Variants in SPAG16 observed in about 807,000 individuals in gnomAD.
SPAG16 encodes sperm-associated antigen 16 protein.
In SPAG16, 86 loss-of-function variants were observed where a neutral mutation model predicts 80.4. That is an observed-to-expected ratio of 1.07 (90% CI 0.90 to 1.28). The LOEUF (loss-of-function observed/expected upper bound fraction) is 1.28, where lower values mean the gene tolerates loss of function less well. SPAG16 is among the 50% of genes most tolerant of loss of function. The pLI, the probability that SPAG16 is intolerant of heterozygous loss-of-function variation, is 0.00. For synonymous variants in SPAG16, 294 were observed against 265.9 expected, an observed-to-expected ratio of 1.11 and a Z score of -1.03; for missense variants, 870 against 765.3, an observed-to-expected ratio of 1.14 and a Z score of -1.61.
At chr2:214,319,991 G>A (rs1332188517) in intron 15 of SPAG16, among the ~76,000 whole-genome samples, 1 of 152,156 alleles carries the variant, frequency 6.6e-6, no homozygotes, top group Non-Finnish European at 1.5e-5. Flanking sequence ...CATCTCTAGT[G>A]CGACAAAATT....
chr2:213,581,922 T>C (rs2060310223), intron 10 of SPAG16, among the ~76,000 whole-genome samples: 1 of 152,110 alleles, frequency 6.6e-6, no homozygotes, highest in African/African-American at 2.4e-5. Context: ...CAAGATTTCC[T>C]TTTTTGCAGT....
At chr2:213,559,035 T>C (rs984390120) in intron 10 of SPAG16, among the ~76,000 whole-genome samples, 1 of 152,158 alleles carries the variant, frequency 6.6e-6, no homozygotes, top group Non-Finnish European at 1.5e-5. Context: ...TATTATCTAA[T>C]ACCTAGGCCT....
chr2:213,972,090 A>G (rs1440681076), intron 12 of SPAG16, among the ~76,000 whole-genome samples: 2 of 151,802 alleles, frequency 1.3e-5, no homozygotes, highest in Non-Finnish European at 1.5e-5. Context: ...TGTGTTACAA[A>G]TAATCCACTT....
intron 12 of SPAG16, among the ~76,000 whole-genome samples, chr2:214,003,190 A>G (rs965551965): frequency 6.6e-6 from 1 of 152,212 alleles, no homozygotes; most frequent in African/African-American, 2.4e-5. Flanking sequence ...ACCAGTTAAT[A>G]TATTTAAAAA....
chr2:213,922,299 TCA>T (rs1439526348), intron 11 of SPAG16, among the ~76,000 whole-genome samples: 1 of 152,208 alleles, frequency 6.6e-6, no homozygotes, highest in Non-Finnish European at 1.5e-5. Context: ...GATTCTATCC[TCA>T]GTTTCTTCTA....
At chr2:214,138,957 A>G (rs1014723314) in intron 14 of SPAG16, among the ~76,000 whole-genome samples, 28 of 152,300 alleles carry the variant, frequency 1.8e-4, no homozygotes, top group African/African-American at 6.7e-4. Context: ...TATGACTGCT[A>G]GAGTGATCTT....
chr2:213,497,862 C>T (rs1354821793), intron 10 of SPAG16, among the ~76,000 whole-genome samples: 1 of 152,002 alleles, frequency 6.6e-6, no homozygotes, highest in Non-Finnish European at 1.5e-5. Flanking sequence ...GGTCTATTTC[C>T]ATGGACTGAC....
intron 13 of SPAG16, among the ~76,000 whole-genome samples, chr2:214,083,062 T>A (rs1204028511): frequency 6.6e-6 from 1 of 152,216 alleles, no homozygotes; most frequent in Non-Finnish European, 1.5e-5. Context: ...AAAAATTACC[T>A]TACATGATGA....
chr2:213,395,090 A>G (rs1575472040), intron 9 of SPAG16, among the ~76,000 whole-genome samples: 1 of 152,204 alleles, frequency 6.6e-6, no homozygotes, highest in East Asian at 1.9e-4. Flanking sequence ...TATTCTTGAT[A>G]TTTGTGATTT....
intron 15 of SPAG16, among the ~76,000 whole-genome samples, chr2:214,169,752 G>A (rs905710013): frequency 3.0e-4 from 45 of 152,032 alleles, no homozygotes; most frequent in African/African-American, 1.0e-3. Context: ...TCAGTTAAAT[G>A]TGGTCTCATT....
Position 213,604,965 on chromosome 2 carries a change from TTA to T in SPAG16, c.1070+114877_1070+114878del, listed in dbSNP as rs1278192028. ...AAATATTTATATTAAATACAAAACTTTATGTTTTGTATAAATAAACATTGAGT... is the reference window on the plus strand; with the variant it reads ...AAATATTTATATTAAATACAAAACTTTGTTTTGTATAAATAAACATTGAGT... On this transcript the variant is annotated intron_variant, in intron 10 of 15. Transcript: ENST00000331683. Among the ~76,000 whole-genome samples, 18 of 149,630 alleles carry T rather than the reference TTA, an allele frequency of 1.2e-4. No individual in the cohort carries two copies. In the East Asian group the frequency reaches 3.3e-3, roughly 27 times the overall value.
intron 13 of SPAG16, among the ~76,000 whole-genome samples, chr2:214,103,084 T>C (rs78766172): frequency 0.17 from 25,571 of 152,094 alleles, 2,267 homozygotes; most frequent in South Asian, 0.23. Flanking sequence ...CTGAGGTTTT[T>C]TCCTTTCTCC....
chr2:213,956,409 C>CA (rs2044138722), intron 12 of SPAG16, among the ~76,000 whole-genome samples: 1 of 150,136 alleles, frequency 6.7e-6, no homozygotes, highest in South Asian at 2.1e-4. Flanking sequence ...TAAGTAAAGG[C>CA]AGGTTGATGA....
At chr2:213,630,805 C>T (rs2062122409) in intron 10 of SPAG16, among the ~76,000 whole-genome samples, 1 of 152,128 alleles carries the variant, frequency 6.6e-6, no homozygotes, top group Non-Finnish European at 1.5e-5. Context: ...CTACCATACT[C>T]CTCAAAATTC....
chr2:213,729,228 A>G (rs1393964479), intron 10 of SPAG16, among the ~76,000 whole-genome samples: 3 of 152,196 alleles, frequency 2.0e-5, no homozygotes, highest in African/African-American at 7.2e-5. Flanking sequence ...ATTCCAAAGA[A>G]TATTCTTTAA....
At chr2:213,502,566 T>C (rs2074787912) in intron 10 of SPAG16, among the ~76,000 whole-genome samples, 1 of 152,226 alleles carries the variant, frequency 6.6e-6, no homozygotes, top group Non-Finnish European at 1.5e-5. Flanking sequence ...TATGAATTAG[T>C]TTATGAATTT....
At chr2:213,380,044 C>A (rs2067086850) in intron 9 of SPAG16, among the ~76,000 whole-genome samples, 1 of 152,170 alleles carries the variant, frequency 6.6e-6, no homozygotes, top group Non-Finnish European at 1.5e-5. Context: ...AGGTGTCCAT[C>A]CACGTACCTC....
At chr2:214,372,719 A>G (rs1699900393) in intron 15 of SPAG16, among the ~76,000 whole-genome samples, 1 of 152,184 alleles carries the variant, frequency 6.6e-6, no homozygotes, top group African/African-American at 2.4e-5. Context: ...AGTGTTTTAT[A>G]ATATCATGAC....
chr2:213,702,802 G>C (rs73988593), intron 10 of SPAG16, among the ~76,000 whole-genome samples: 3,776 of 152,128 alleles, frequency 0.025, 153 homozygotes, highest in African/African-American at 0.084. Flanking sequence ...TTCTAGAGTT[G>C]ATATATATCA....
Sources: gnomAD v4.1 joint callset for allele counts (sites outside exome capture counted in the v4.1 genomes callset) on GRCh38, gnomAD v4.1.1 for gene constraint, MANE v1.5 for transcripts, NCBI Gene and HGNC (gene_info 2026-07-23, HGNC 2026-07-21) for gene names.